Variants in ATP6V0A1 observed in about 807,000 individuals in gnomAD.
ATP6V0A1 encodes the protein ATPase H+ transporting V0 subunit a1, also known as V-type proton ATPase 116 kDa subunit a 1.
ATP6V0A1 carries 43 observed loss-of-function variants against 105.4 expected under a neutral mutation model. The observed-to-expected ratio is 0.41, with a 90% CI of 0.32 to 0.53. ATP6V0A1 has a LOEUF of 0.53. Among genes scored for constraint, ATP6V0A1 ranks in the 20% least tolerant of loss-of-function variants. The probability of loss-of-function intolerance (pLI) is 0.30; values close to 1 mark genes in which losing one functional copy is unlikely to be tolerated. For synonymous variants in ATP6V0A1, 362 were observed against 372.8 expected (o/e 0.97, Z 0.33); for missense variants, 676 against 1,051.1 (o/e 0.64, Z 4.93).
chr17:42,482,659 G>A (rs2089662178), intron 8 of ATP6V0A1, among the ~76,000 whole-genome samples: 1 of 151,994 alleles, frequency 6.6e-6, no homozygotes, highest in African/African-American at 2.4e-5. Flanking sequence ...CACTTTGGGA[G>A]GCCGAGGTGG....
At chr17:42,466,140 G>A (rs1459488467) in intron 2 of ATP6V0A1, among the ~76,000 whole-genome samples, 1 of 152,192 alleles carries the variant, frequency 6.6e-6, no homozygotes, top group Non-Finnish European at 1.5e-5. Context: ...TAGGTGGTGG[G>A]AAGGAAGCTC....
At chr17:42,499,410 G>A (rs2091475370) in intron 15 of ATP6V0A1, among the ~76,000 whole-genome samples, 2 of 152,030 alleles carry the variant, frequency 1.3e-5, no homozygotes, top group Non-Finnish European at 1.5e-5. Flanking sequence ...GGCAGAGGTC[G>A]CAGTGAGACA....
intron 20 of ATP6V0A1, 104 bp downstream of exon 20, chr17:42,514,082 AT>A (rs2092487632): frequency 1.4e-6 from 2 of 1,386,754 alleles, no homozygotes; most frequent in Non-Finnish European, 2.0e-6. Flanking sequence ...AGGTTCTGGA[AT>A]TATTCAGGTT....
At chr17:42,505,787 C>CTTTTTTTTTTTTTTTTT (rs200710030) in intron 17 of ATP6V0A1, among the ~76,000 whole-genome samples, 1 of 143,120 alleles carries the variant, frequency 7.0e-6, no homozygotes, top group Non-Finnish European at 1.5e-5. Flanking sequence ...TTTCATATGT[C>CTTTTTTTTTTTTTTTTT]TTTTTTTTTT....
rs181019042 is a variant in ATP6V0A1 at position 42,520,700 on chromosome 17, G to A, written c.2421-327G>A. 127 of 423,868 alleles carry A rather than the reference G, an allele frequency of 3.0e-4. 1 individual carries two copies. In the East Asian group the frequency reaches 4.2e-3, roughly 14 times the overall value. The allele number at this position is 423,868 out of a possible 1,614,324, so 26.3% of individuals were successfully genotyped here. On this transcript the variant is annotated intron_variant, in intron 21 of 21. Transcript: ENST00000343619. ...TCCCCTGCCAGGAGGGGGCGATGGG[G>A]GCCACTTGTTCATTAACGATGTTAG... is the stretch of plus-strand genomic sequence containing the variant.
At chr17:42,467,311 C>G (rs1439592396) in intron 3 of ATP6V0A1, among the ~76,000 whole-genome samples, 2 of 152,164 alleles carry the variant, frequency 1.3e-5, no homozygotes, top group Non-Finnish European at 2.9e-5. Context: ...ATGACTTGCC[C>G]TAGATCATAA....
At chr17:42,516,362 C>T (rs2092625440) in intron 21 of ATP6V0A1, among the ~76,000 whole-genome samples, 1 of 152,160 alleles carries the variant, frequency 6.6e-6, no homozygotes, top group African/African-American at 2.4e-5. Flanking sequence ...TTCAAAAGCC[C>T]TGCTGCGTCA....
intron 18 of ATP6V0A1, among the ~76,000 whole-genome samples, chr17:42,508,003 G>T (rs2092130751): frequency 6.6e-6 from 1 of 152,166 alleles, no homozygotes; most frequent in Non-Finnish European, 1.5e-5. Context: ...CCCTTCCAAG[G>T]ATCGTTCCAA....
Position 42,471,031 on chromosome 17 carries a change from G to A in ATP6V0A1, c.423+813G>A, listed in dbSNP as rs2087830868. ...CCAGCTACTCGAGAGGCTGAGGCAG[G>A]AAAATCATTTGAACCTGGGAGGTGG... On this transcript the variant is annotated intron_variant, in intron 5 of 21. Transcript: ENST00000343619. The A allele has an allele frequency of 2.0e-5, 3 of 152,106 alleles. 1 individual carries two copies. In the South Asian group the frequency reaches 6.2e-4, roughly 31 times the overall value. The allele number at this position is 152,106 out of a possible 1,614,324, so 9.4% of individuals were successfully genotyped here. A position where few individuals can be genotyped will look rare whatever the true frequency, so the allele number is the denominator to read the frequency against.
Position 42,495,654 on chromosome 17 carries a change from C to A in ATP6V0A1, c.1498C>A (p.Leu500Ile). Residue 500 changes from leucine (L) to isoleucine (I), a missense_variant, in exon 14 of 22, where the codon CTA becomes ATA. By Grantham distance (5) the Leu-to-Ile change is conservative (BLOSUM62 2). Coordinates refer to ENST00000343619, the MANE Select transcript of ATP6V0A1 (RefSeq NM_001130021.3). Reference protein sequence around the residue: ...TEETLRGNPVLQLNPALPGVF... With the variant: ...TEETLRGNPVIQLNPALPGVF... ...AGAGACGCTTCGGGGGAACCCTGTT[C>A]TACAGCTGAACCCAGCCCTCCCTGG... The A allele has an allele frequency of 6.2e-7, 1 of 1,614,054 alleles. No homozygotes were observed. The highest frequency in any genetic ancestry group is 8.5e-7 in the Non-Finnish European group (1 of 1,179,906).
intron 5 of ATP6V0A1, among the ~76,000 whole-genome samples, chr17:42,472,996 G>T (rs547720215): frequency 1.3e-5 from 2 of 152,312 alleles, no homozygotes; most frequent in East Asian, 1.9e-4. Context: ...GTCTGCTGAG[G>T]ATGTGATACA....
At chr17:42,466,705 C>T (rs1022696268) in intron 3 of ATP6V0A1, among the ~76,000 whole-genome samples, 198 bp downstream of exon 3, 2 of 152,180 alleles carry the variant, frequency 1.3e-5, no homozygotes, top group Admixed American at 1.3e-4. Flanking sequence ...ATGGAAACCT[C>T]GTTTGAAATA....
chr17:42,494,547 C>G, intron 12 of ATP6V0A1, 74 bp downstream of exon 12: 1 of 1,491,142 alleles, frequency 6.7e-7, no homozygotes, highest in East Asian at 2.3e-5. Flanking sequence ...AAATTATGAT[C>G]TGGAAGTCTT....
chr17:42,465,982 TTACTTGTGG>T, intron 2 of ATP6V0A1, among the ~76,000 whole-genome samples: 1 of 151,974 alleles, frequency 6.6e-6, no homozygotes, highest in Non-Finnish European at 1.5e-5. Flanking sequence ...AAAAAAGCAA[TTACTTGTGG>T]TGTATGAATG....
In ATP6V0A1 at chr17:42,470,226, TA is replaced by T; in HGVS notation, c.423+9del. 1 of 1,612,128 alleles carries T rather than the reference TA, an allele frequency of 6.2e-7. No individual in the cohort carries two copies. The highest frequency in any genetic ancestry group is 8.5e-7 in the Non-Finnish European group (1 of 1,179,122). ...CAGCAATTTTTTGATGAGGTCAGAC[TA>T]TTGTTTCTTTTAGTATTTGAGCAGC... is the stretch of plus-strand genomic sequence containing the variant. On this transcript the variant is annotated intron_variant, in intron 5 of 21. Coordinates refer to ENST00000343619, the MANE Select transcript of ATP6V0A1 (RefSeq NM_001130021.3).
chr17:42,520,186 T>C (rs1433260315), intron 21 of ATP6V0A1: 2 of 338,040 alleles, frequency 5.9e-6, no homozygotes, highest in Non-Finnish European at 1.2e-5. Context: ...GTGGAAACTA[T>C]TCCTCAGGGC....
chr17:42,495,274 C>T lies in ATP6V0A1; in HGVS notation c.1469+86C>T. On this transcript the variant is annotated intron_variant, in intron 13 of 21. Coordinates refer to ENST00000343619, the MANE Select transcript of ATP6V0A1 (RefSeq NM_001130021.3). ...TAAGACAAGTGGTAAACTGACACTT[C>T]TTTAGGAAGTGGTGACAGTGTCTCC... 7.0e-6 allele frequency: 10 copies of T among 1,422,848 alleles called. No individual in the cohort carries two copies. In the South Asian group the frequency reaches 1.3e-4, roughly 18 times the overall value. The allele number at this position is 1,422,848 out of a possible 1,614,324, so 88.1% of individuals were successfully genotyped here.
At chr17:42,517,273 C>T (rs1249096380) in intron 21 of ATP6V0A1, among the ~76,000 whole-genome samples, 4 of 151,992 alleles carry the variant, frequency 2.6e-5, no homozygotes, top group African/African-American at 9.7e-5. Context: ...GACCGAGACT[C>T]CGTCTCAAAA....
intron 17 of ATP6V0A1, among the ~76,000 whole-genome samples, chr17:42,504,124 T>C (rs1297147187): frequency 1.3e-5 from 2 of 152,184 alleles, no homozygotes; most frequent in Non-Finnish European, 2.9e-5. Context: ...TAGCCAAACA[T>C]CTGTTCCTGG....
Sources: allele counts gnomAD v4.1 joint callset (sites outside exome capture counted in the v4.1 genomes callset), GRCh38; gene constraint gnomAD v4.1.1; transcripts MANE v1.5; gene names NCBI Gene and HGNC (gene_info 2026-07-23, HGNC 2026-07-21).